Variants in KLHL8 observed in about 807,000 individuals in gnomAD.
KLHL8 encodes the protein kelch-like protein 8.
A neutral mutation model predicts 63.5 loss-of-function variants in KLHL8; 38 were observed. The ratio of observed to expected loss-of-function variants is 0.60; its 90% confidence interval spans 0.46 to 0.78. KLHL8 has a LOEUF of 0.78. Ranked by LOEUF, KLHL8 falls within the 30% of genes least tolerant of loss-of-function variation. The pLI is 0.00. For synonymous variants in KLHL8, 224 were observed against 254.3 expected, an observed-to-expected ratio of 0.88 and a Z score of 1.13; for missense variants, 566 against 752.4, an observed-to-expected ratio of 0.75 and a Z score of 2.90.
At chr4:87,223,127 T>TTGTTTTGTTG (rs1219138381), upstream of KLHL8, among the ~76,000 whole-genome samples, 3 of 148,318 alleles carry the variant, frequency 2.0e-5, no homozygotes, top group African/African-American at 7.7e-5. Flanking sequence ...ATTTTTTTGT[T>TTGTTTTGTTG]TGTTTTGTTT....
At position 87,162,910 on chromosome 4, in the gene KLHL8, C is replaced by T. The variant is rs1387745451; in HGVS notation, c.*609G>A. ...CAATTCAAACTGAAATTAAAGGCTT[C>T]TTATAGCCTATAAGCTTCTGAAAAT... On this transcript the variant is annotated 3_prime_UTR_variant, in exon 10 of 10. Transcript: ENST00000273963. 6.6e-6 allele frequency: 1 copy of T among 152,116 alleles called. No individual in the cohort carries two copies. The highest frequency in any genetic ancestry group is 1.5e-5 in the Non-Finnish European group (1 of 68,012). 9.4% of individuals were successfully genotyped at this position (152,116 alleles called of 1,614,324 possible).
In KLHL8 at chr4:87,170,549, A is replaced by C. The variant is rs773858482; in HGVS notation, c.1275T>G (p.Thr425=). Residue 425 remains threonine (T), a synonymous_variant, in exon 7 of 10, where the codon ACT becomes ACG. Transcript: ENST00000273963. Reference sequence around the variant, plus strand: ...CATATCTCTCCACATCATTGAAGCAAGTATTGTCATCTAACCCTCCAATTG... The same window carrying C: ...CATATCTCTCCACATCATTGAAGCACGTATTGTCATCTAACCCTCCAATTG... ...IYAIGGLDDN[T]CFNDVERYDI... The C allele has an allele frequency of 1.2e-6, 2 of 1,614,060 alleles. No individual in the cohort carries two copies. Among genetic ancestry groups the C allele is most frequent in the Admixed American group, 3.3e-5 (2 of 60,018 alleles).
At chr4:87,237,146 CA>C (rs1478528036) in intron 1 of KLHL8, among the ~76,000 whole-genome samples, 1 of 152,128 alleles carries the variant, frequency 6.6e-6, no homozygotes, top group African/African-American at 2.4e-5. Context: ...GTCACTGTGT[CA>C]GGCCTGAGAA....
intron 1 of KLHL8, among the ~76,000 whole-genome samples, chr4:87,201,858 C>G (rs1362240507): frequency 2.6e-5 from 4 of 151,932 alleles, no homozygotes; most frequent in Non-Finnish European, 4.4e-5. Flanking sequence ...ATATAAAATA[C>G]CAAAATATCA....
intron 8 of KLHL8, among the ~76,000 whole-genome samples, chr4:87,168,949 A>C (rs1730529012): frequency 6.8e-6 from 1 of 146,406 alleles, no homozygotes; most frequent in South Asian, 2.2e-4. Flanking sequence ...TTGGTAATAA[A>C]AGATTGTTAA....
chr4:87,165,456 C>T (rs948866250), intron 8 of KLHL8, among the ~76,000 whole-genome samples: 2 of 152,028 alleles, frequency 1.3e-5, no homozygotes. Context: ...TGCAGTAACA[C>T]AATCACAGCT....
intron 6 of KLHL8, among the ~76,000 whole-genome samples, chr4:87,175,073 C>G (rs758634075): frequency 6.6e-6 from 1 of 152,206 alleles, no homozygotes; most frequent in Non-Finnish European, 1.5e-5. Context: ...ATCATTCTCA[C>G]ATTTATTACA....
rs549853074 is a variant in KLHL8 at position 87,163,563 on chromosome 4, G to A, written c.1819C>T (p.Arg607Ter). 36 of 1,613,906 alleles carry A rather than the reference G, an allele frequency of 2.2e-5. 1 individual carries two copies. The South Asian group carries it at 3.2e-4, about 14-fold the overall frequency. Residue 607 changes from arginine to a stop codon, truncating the protein, a stop_gained, in exon 10 of 10, where the codon CGA (arginine) becomes TGA (stop). Transcript: ENST00000273963. LOFTEE classifies it high-confidence loss of function. ...TTATTGGATCCATGACCTACATCTC[G>A]AATTTGGCTAGTTAAACAGGAACAC... ...AVCSCLTSQI[R>*]DVGHGSNNVV...
At chr4:87,233,358 C>A (rs980546560) in intron 1 of KLHL8, among the ~76,000 whole-genome samples, 1 of 152,068 alleles carries the variant, frequency 6.6e-6, no homozygotes, top group Non-Finnish European at 1.5e-5. Context: ...GAGGCCGAGG[C>A]GGGTGGATCA....
chr4:87,170,507 C>T lies in KLHL8; in HGVS notation c.1317G>A (p.Gln439=). ...TATTCATTGGTGCCACTGTACTCCA[C>T]TGATCAGATTCTATGTCATATCTCT... ...DVERYDIESD[Q]WSTVAPMNTP... is the part of the protein sequence containing the mutation. The change falls in exon 7 of 10, where the codon CAG becomes CAA. Residue 439 remains glutamine (Q), a synonymous_variant. Transcript: ENST00000273963. 1.2e-6 allele frequency: 2 copies of T among 1,614,042 alleles called. No homozygotes were observed. Among genetic ancestry groups the T allele is most frequent in the East Asian group, 2.2e-5 (1 of 44,874 alleles).
intron 1 of KLHL8, among the ~76,000 whole-genome samples, chr4:87,238,047 T>G (rs889448225): frequency 2.0e-5 from 3 of 152,140 alleles, no homozygotes; most frequent in Non-Finnish European, 4.4e-5. Flanking sequence ...GCAATTCTTT[T>G]GCCTCAGCCT....
chr4:87,221,679 CAT>C (rs200185404), upstream of KLHL8, among the ~76,000 whole-genome samples: 2 of 151,232 alleles, frequency 1.3e-5, no homozygotes, highest in East Asian at 1.9e-4. Context: ...TAGAAATGAA[CAT>C]ATATATATCT....
intron 1 of KLHL8, among the ~76,000 whole-genome samples, chr4:87,199,540 A>C (rs1032881121): frequency 3.9e-5 from 6 of 152,176 alleles, no homozygotes; most frequent in Admixed American, 1.3e-4. Context: ...TATGCAGCAA[A>C]ACAATCAATA....
upstream of KLHL8, chr4:87,220,908 C>A (rs1236769295): frequency 6.6e-6 from 1 of 152,218 alleles, no homozygotes; most frequent in African/African-American, 2.4e-5. Flanking sequence ...CATCAAATCC[C>A]CTTCTGCGGT....
intron 1 of KLHL8, among the ~76,000 whole-genome samples, chr4:87,205,598 G>T (rs903524449): frequency 6.6e-6 from 1 of 152,086 alleles, no homozygotes; most frequent in Non-Finnish European, 1.5e-5. Context: ...CAAGTAGCTG[G>T]AACTATAGGC....
chr4:87,169,179 C>A (rs1480362858), intron 8 of KLHL8, among the ~76,000 whole-genome samples: 1 of 152,090 alleles, frequency 6.6e-6, no homozygotes, highest in Non-Finnish European at 1.5e-5. Flanking sequence ...GTAGCACACA[C>A]CTGTAATCCC....
chr4:87,195,501 A>T lies in KLHL8; in HGVS notation c.39T>A (p.Asn13Lys). 2 of 1,613,630 alleles carry T rather than the reference A, an allele frequency of 1.2e-6. No homozygotes were observed. The highest frequency in any genetic ancestry group is 1.7e-6 in the Non-Finnish European group (2 of 1,179,910). ...GTTGCCTTTTCCCCTTTGTAATGTG[A>T]TTCCTAGCTTGTTTACTACTCATAG... ...SDSMSSKQAR[N>K]HITKGKRQQQ... Residue 13 changes from asparagine to lysine, a missense_variant, in exon 2 of 10, where the codon AAT becomes AAA. Asn to Lys is a moderately conservative substitution (Grantham distance 94). Coordinates refer to ENST00000273963, the MANE Select transcript of KLHL8 (RefSeq NM_020803.5).
chr4:87,234,998 T>C (rs1419022512), intron 1 of KLHL8, among the ~76,000 whole-genome samples: 2 of 152,216 alleles, frequency 1.3e-5, no homozygotes, highest in African/African-American at 2.4e-5. Context: ...TGAATGGCTG[T>C]ACAGTGTGTT....
chr4:87,182,024 T>G (rs748317108), intron 4 of KLHL8, among the ~76,000 whole-genome samples: 5 of 151,816 alleles, frequency 3.3e-5, no homozygotes, highest in Admixed American at 6.6e-5. Context: ...GTCAGGAGAT[T>G]GAGACCATCC....
Sources: allele counts gnomAD v4.1 joint callset (sites outside exome capture counted in the v4.1 genomes callset), GRCh38; gene constraint gnomAD v4.1.1; transcripts MANE v1.5; gene names NCBI Gene and HGNC (gene_info 2026-07-23, HGNC 2026-07-21).